RELN: variants seen among roughly 807,000 people sequenced by gnomAD.
RELN encodes the protein reelin.
Under a neutral mutation model 427.6 loss-of-function variants are expected in RELN, and 108 were observed. The observed-to-expected ratio is 0.25, with a 90% CI of 0.22 to 0.30. The LOEUF (loss-of-function observed/expected upper bound fraction) is 0.30. Among genes scored for constraint, RELN ranks in the 10% least tolerant of loss-of-function variants. RELN has a pLI of 1.00. For missense variants in RELN, 3,715 were observed against 4,302.8 expected (o/e 0.86, Z 3.82); for synonymous variants, 1,524 against 1,513.4 (o/e 1.01, Z -0.16).
chr7:103,604,018 A>T (rs1331930562), intron 23 of RELN, among the ~76,000 whole-genome samples: 1 of 152,164 alleles, frequency 6.6e-6, no homozygotes, highest in African/African-American at 2.4e-5. Flanking sequence ...GTAAGAGGGC[A>T]TGCAGCAGGG....
chr7:103,631,470 T>C (rs985912148), intron 19 of RELN, among the ~76,000 whole-genome samples: 1 of 151,964 alleles, frequency 6.6e-6, no homozygotes, highest in Non-Finnish European at 1.5e-5. Context: ...ATGTTTGTAT[T>C]TTTAGTAGAG....
At chr7:103,553,316 G>A (rs1215155779) in intron 40 of RELN, 145 bp downstream of exon 40, 3 of 665,324 alleles carry the variant, frequency 4.5e-6, no homozygotes, top group Non-Finnish European at 5.3e-6. Flanking sequence ...GTTAATAAGA[G>A]AAAATTATGA....
At chr7:103,842,727 T>C (rs906776181) in intron 2 of RELN, among the ~76,000 whole-genome samples, 2 of 152,082 alleles carry the variant, frequency 1.3e-5, no homozygotes, top group Non-Finnish European at 2.9e-5. Flanking sequence ...ACTAAAACCT[T>C]TTAAAAGTCA....
intron 1 of RELN, among the ~76,000 whole-genome samples, chr7:103,923,911 A>T (rs75877419): frequency 6.0e-4 from 91 of 152,312 alleles, no homozygotes; most frequent in Non-Finnish European, 5.3e-4. Context: ...TATTGTTCTA[A>T]ATCTTTTATA....
rs1169624673 is a variant in RELN at position 103,551,327 on chromosome 7, T to C, written c.6073-31A>G. 6 of 1,475,818 alleles carry C rather than the reference T, an allele frequency of 4.1e-6. No homozygotes were observed. The African/African-American group carries it at 6.9e-5, about 17-fold the overall frequency. The allele number at this position is 1,475,818 out of a possible 1,614,324, so 91.4% of individuals were successfully genotyped here. On this transcript the variant is annotated intron_variant, in intron 40 of 64. Coordinates refer to ENST00000428762, the MANE Select transcript of RELN (RefSeq NM_005045.4). ...GGATGAAGAAAAAAATGATACAAATTACCTCAGAGCAACAAGCCTTGAAAT... is the reference window on the plus strand; with the variant it reads ...GGATGAAGAAAAAAATGATACAAATCACCTCAGAGCAACAAGCCTTGAAAT...
chr7:103,664,936 TGA>T (rs1484768033), intron 11 of RELN, among the ~76,000 whole-genome samples: 3 of 152,162 alleles, frequency 2.0e-5, no homozygotes, highest in Admixed American at 6.6e-5. Context: ...GATGTATGGA[TGA>T]GTTTTAATTT....
intron 3 of RELN, among the ~76,000 whole-genome samples, chr7:103,802,877 C>A (rs1792503316): frequency 6.6e-6 from 1 of 152,100 alleles, no homozygotes; most frequent in Non-Finnish European, 1.5e-5. Flanking sequence ...CTCCTAATCA[C>A]CACCATCACA....
chr7:103,802,569 A>G (rs1245367189), intron 3 of RELN, among the ~76,000 whole-genome samples: 5 of 152,190 alleles, frequency 3.3e-5, no homozygotes, highest in Non-Finnish European at 7.3e-5. Flanking sequence ...ACACAAATTC[A>G]AGATACCCAA....
intron 6 of RELN, among the ~76,000 whole-genome samples, chr7:103,742,121 T>C (rs1010006808): frequency 1.3e-5 from 2 of 152,184 alleles, no homozygotes; most frequent in Non-Finnish European, 2.9e-5. Context: ...TATTTGCTGT[T>C]CTGCAGCCAC....
chr7:103,533,379 A>G (rs774610215), intron 46 of RELN, among the ~76,000 whole-genome samples: 6 of 152,252 alleles, frequency 3.9e-5, no homozygotes, highest in Non-Finnish European at 5.9e-5. Context: ...AGGAAACACC[A>G]TATTTACCAA....
Position 103,989,382 on chromosome 7 carries a change from C to CCGCCGG in RELN, c.-27_-26insCCGGCG. The CCGCCGG allele has an allele frequency of 7.0e-7, 1 of 1,430,340 alleles. No individual in the cohort carries two copies. The highest frequency in any genetic ancestry group is 9.1e-7 in the Non-Finnish European group (1 of 1,104,268). The allele number at this position is 1,430,340 out of a possible 1,614,324, so 88.6% of individuals were successfully genotyped here. A position where few individuals can be genotyped will look rare whatever the true frequency, so the allele number is the denominator to read the frequency against. Reference sequence around the variant, plus strand: ...GCCGCCGCCGCCGCCGCCGCCGCCGCGCGCCCTACGCGCCGCTCGCTCATT... The same window carrying CCGCCGG: ...GCCGCCGCCGCCGCCGCCGCCGCCGCCGCCGGGCGCCCTACGCGCCGCTCGCTCATT... On this transcript the variant is annotated 5_prime_UTR_variant, in exon 1 of 65. Coordinates refer to ENST00000428762, the MANE Select transcript of RELN (RefSeq NM_005045.4). This position sits in a 1 kb window ranked among gnomAD's most constrained non-coding sequence, Gnocchi z 4.9.
At chr7:103,604,831 C>CTTTTTTT (rs34015200) in intron 22 of RELN, among the ~76,000 whole-genome samples, 1 of 138,720 alleles carries the variant, frequency 7.2e-6, no homozygotes, top group Non-Finnish European at 1.5e-5. Flanking sequence ...ACCTATCTTT[C>CTTTTTTT]TTTTTTTTTT....
chr7:103,693,824 G>C (rs1259987710), intron 10 of RELN, among the ~76,000 whole-genome samples: 1 of 152,046 alleles, frequency 6.6e-6, no homozygotes, highest in Admixed American at 6.6e-5. Context: ...TTAGACTGTT[G>C]ATTTATCTTT....
chr7:103,747,279 G>T, intron 6 of RELN, among the ~76,000 whole-genome samples: 1 of 136,040 alleles, frequency 7.4e-6, no homozygotes, highest in Admixed American at 7.4e-5. Flanking sequence ...GCGGGGAGGG[G>T]AGTGGGATAG....
At chr7:103,670,976 T>C (rs1312841003) in intron 11 of RELN, among the ~76,000 whole-genome samples, 1 of 152,112 alleles carries the variant, frequency 6.6e-6, no homozygotes, top group African/African-American at 2.4e-5. Flanking sequence ...AGATCCTATA[T>C]TGACCAAATT....
chr7:103,970,342 C>G lies in RELN; in HGVS notation c.226+18789G>C, dbSNP rs1195457703. ...TGTTTTTAGAAGTGATGGGGTTTCA[C>G]CACTTTGGCCAGGCTGGTCTCGAAC... On this transcript the variant is annotated intron_variant, in intron 1 of 64. Coordinates refer to ENST00000428762, the MANE Select transcript of RELN (RefSeq NM_005045.4). Among the ~76,000 whole-genome samples, 3 of 152,078 alleles carry G rather than the reference C, an allele frequency of 2.0e-5. No homozygotes were observed. The East Asian group carries it at 5.8e-4, about 29-fold the overall frequency.
intron 8 of RELN, among the ~76,000 whole-genome samples, chr7:103,713,283 C>T (rs541430198): frequency 6.6e-6 from 1 of 152,320 alleles, no homozygotes; most frequent in South Asian, 2.1e-4. Flanking sequence ...TGCATGTAAA[C>T]AACAGCATTT....
chr7:103,823,191 T>C (rs1421325945), intron 3 of RELN, among the ~76,000 whole-genome samples: 1 of 152,016 alleles, frequency 6.6e-6, no homozygotes, highest in Non-Finnish European at 1.5e-5. Flanking sequence ...GGTATGTTTT[T>C]TCCATCTCTG....
intron 3 of RELN, among the ~76,000 whole-genome samples, chr7:103,801,512 T>G (rs1792465268): frequency 2.0e-5 from 3 of 147,716 alleles, no homozygotes; most frequent in Admixed American, 6.9e-5. Flanking sequence ...TTCTCACTCA[T>G]AGGTGGAAAC....
Sources: gnomAD v4.1 joint callset for allele counts (sites outside exome capture counted in the v4.1 genomes callset) on GRCh38, gnomAD v4.1.1 for gene constraint, Gnocchi (gnomAD v3.1) non-coding constraint, MANE v1.5 for transcripts, NCBI Gene and HGNC (gene_info 2026-07-23, HGNC 2026-07-21) for gene names.